Variants in ARID1B observed in about 807,000 individuals in gnomAD.
The protein encoded by ARID1B is AT-rich interactive domain-containing protein 1B.
Under a neutral mutation model 212.3 loss-of-function variants are expected in ARID1B, and 30 were observed. The ratio of observed to expected loss-of-function variants is 0.14; its 90% CI spans 0.11 to 0.19. ARID1B has a LOEUF of 0.19. Ranked by LOEUF, ARID1B falls within the 10% of genes least tolerant of loss-of-function variation. The probability of loss-of-function intolerance (pLI) is 1.00; values close to 1 mark genes in which losing one functional copy is unlikely to be tolerated. For missense variants in ARID1B, 2,891 were observed against 3,204.0 expected (o/e 0.90, Z 2.36); for synonymous variants, 1,402 against 1,301.7 (o/e 1.08, Z -1.66).
intron 4 of ARID1B, among the ~76,000 whole-genome samples, chr6:157,028,943 T>G (rs1249693680): frequency 6.6e-6 from 1 of 152,268 alleles, no homozygotes; most frequent in African/African-American, 2.4e-5. Context: ...GATTGCGAAC[T>G]GTATGTATTT....
At chr6:157,149,107 C>T (rs1467580864) in intron 8 of ARID1B, 156 bp downstream of exon 8, 1 of 742,042 alleles carries the variant, frequency 1.3e-6, no homozygotes, top group African/African-American at 1.8e-5. Context: ...TATTCTGTAG[C>T]ATCGAGGTCA....
Position 156,876,117 on chromosome 6 carries a change from C to CT in ARID1B, c.1987-25256dup, listed in dbSNP as rs1364309419. ...TTGTATCTCTGGATGATAGTGTTGA[C>CT]TTTCCCGTGGTACCTACCAGGCACT... is the stretch of plus-strand genomic sequence containing the variant. On this transcript the variant is annotated intron_variant, in intron 2 of 19. Coordinates refer to ENST00000636930, the MANE Select transcript of ARID1B (RefSeq NM_001374828.1). Among the ~76,000 whole-genome samples the CT allele has an allele frequency of 2.4e-4, 36 of 152,338 alleles. 1 individual carries two copies. Among genetic ancestry groups the CT allele is most frequent in the African/African-American group, 7.5e-4 (31 of 41,576 alleles).
chr6:157,197,110 C>T (rs1237200413), intron 16 of ARID1B, among the ~76,000 whole-genome samples: 1 of 152,236 alleles, frequency 6.6e-6, no homozygotes, highest in African/African-American at 2.4e-5. Context: ...GACTTCAATA[C>T]TCATTGTCAC....
At chr6:157,076,243 A>G (rs1019578229) in intron 4 of ARID1B, among the ~76,000 whole-genome samples, 3 of 151,858 alleles carry the variant, frequency 2.0e-5, no homozygotes, top group African/African-American at 7.2e-5. Flanking sequence ...AAACTTGCCT[A>G]TTTTTCATAG....
chr6:156,882,423 A>G (rs575038714), intron 2 of ARID1B, among the ~76,000 whole-genome samples: 2 of 152,270 alleles, frequency 1.3e-5, no homozygotes, highest in East Asian at 3.9e-4. Flanking sequence ...GCCTGGGATG[A>G]TTCTGTGGAC....
intron 3 of ARID1B, among the ~76,000 whole-genome samples, chr6:156,930,606 A>G (rs1456840656): frequency 6.6e-6 from 1 of 152,234 alleles, no homozygotes; most frequent in Non-Finnish European, 1.5e-5. Context: ...GATGCTTACT[A>G]TAGTGCTGTA....
chr6:157,007,097 A>G (rs1185282964), intron 4 of ARID1B, among the ~76,000 whole-genome samples: 2 of 152,220 alleles, frequency 1.3e-5, no homozygotes, highest in Admixed American at 6.5e-5. Context: ...GTATAAAGGC[A>G]TTCCTTGGTA....
At chr6:156,835,430 G>A (rs566037215) in intron 2 of ARID1B, among the ~76,000 whole-genome samples, 52 of 152,028 alleles carry the variant, frequency 3.4e-4, no homozygotes, top group Non-Finnish European at 6.5e-4. Flanking sequence ...GCCTTTTTCC[G>A]AAAAGTGAGA....
chr6:157,120,087 G>A (rs1049331155), intron 6 of ARID1B, among the ~76,000 whole-genome samples: 1 of 152,200 alleles, frequency 6.6e-6, no homozygotes, highest in Non-Finnish European at 1.5e-5. Flanking sequence ...GACCTGGGTC[G>A]AAAGCCTTAA....
At position 157,209,400 on chromosome 6, in the gene ARID1B, T is replaced by C. The variant is rs1794669095; in HGVS notation, c.*1509T>C. On this transcript the variant is annotated 3_prime_UTR_variant, in exon 20 of 20. Coordinates refer to ENST00000636930, the MANE Select transcript of ARID1B (RefSeq NM_001374828.1). ...TACATTTGGAAGAGACCTTTAGGGG[T>C]TACCTACTTTAGAGTGGGGAGCAAC... 4.3e-6 allele frequency: 1 copy of C among 232,256 alleles called. No homozygotes were observed. Among genetic ancestry groups the C allele is most frequent in the African/African-American group, 2.2e-5 (1 of 45,292 alleles). 14.4% of individuals were successfully genotyped at this position (232,256 alleles called of 1,614,324 possible). A position where few individuals can be genotyped will look rare whatever the true frequency, so the allele number is the denominator to read the frequency against.
chr6:157,094,224 T>C lies in ARID1B; in HGVS notation c.2491+9319T>C, dbSNP rs9371448. 0.92 allele frequency among the ~76,000 whole-genome samples: 140,578 copies of C among 152,174 alleles called. 64,995 individuals carry two copies. Among genetic ancestry groups the C allele is most frequent in the South Asian group, 0.97 (4,672 of 4,820 alleles). On this transcript the variant is annotated intron_variant, in intron 5 of 19. Coordinates refer to ENST00000636930, the MANE Select transcript of ARID1B (RefSeq NM_001374828.1). The surrounding 1 kb of genome is among the most constrained non-coding windows in gnomAD (Gnocchi z 4.3). ...CTGAGTTAGTATTGTGCTTAGTGTG[T>C]TGGGCGGCGAACACCAGGAAATCAG...
At chr6:157,156,756 T>C (rs1351988340) in intron 8 of ARID1B, among the ~76,000 whole-genome samples, 1 of 152,064 alleles carries the variant, frequency 6.6e-6, no homozygotes, top group Non-Finnish European at 1.5e-5. Context: ...GGAAGCCAGC[T>C]CAGGTCTGAG....
rs184113176 is a variant in ARID1B at position 157,015,395 on chromosome 6, G to A, written c.2248-69267G>A. The stretch of plus-strand genomic sequence containing the variant: ...AGGTTTTTGAAGGACATCCTCATGG[G>A]ACTGTTTAGTGTGCAGTTGGAGAGG... On this transcript the variant is annotated intron_variant, in intron 4 of 19. Transcript: ENST00000636930. Among the ~76,000 whole-genome samples the A allele has an allele frequency of 3.4e-3, 525 of 152,310 alleles. 2 individuals are homozygous for A. Among genetic ancestry groups the A allele is most frequent in the Non-Finnish European group, 5.8e-3 (393 of 68,034 alleles).
At chr6:157,189,811 A>G (rs746706931) in intron 14 of ARID1B, 31 bp downstream of exon 14, 97 of 1,612,488 alleles carry the variant, frequency 6.0e-5, no homozygotes, top group Non-Finnish European at 8.1e-5. Flanking sequence ...GAGGCATACA[A>G]AGTCACATTT....
chr6:157,083,636 T>C (rs1455325912), intron 4 of ARID1B, among the ~76,000 whole-genome samples: 1 of 152,208 alleles, frequency 6.6e-6, no homozygotes, highest in Non-Finnish European at 1.5e-5. Flanking sequence ...CATTGTTTTG[T>C]ATCTGTATCA....
intron 4 of ARID1B, among the ~76,000 whole-genome samples, chr6:157,039,953 C>G (rs1200153535): frequency 8.5e-6 from 1 of 117,022 alleles, no homozygotes; most frequent in African/African-American, 3.3e-5. Context: ...TTTCTGTCTT[C>G]TTTTTTTTTC....
At chr6:157,089,137 T>A (rs1785127840) in intron 5 of ARID1B, among the ~76,000 whole-genome samples, 1 of 152,168 alleles carries the variant, frequency 6.6e-6, no homozygotes, top group South Asian at 2.1e-4. Context: ...ATAGCTGGGA[T>A]GAAGTAAAGC....
chr6:156,892,059 T>C (rs868524497), intron 2 of ARID1B, among the ~76,000 whole-genome samples: 6,929 of 88,736 alleles, frequency 0.078, 123 homozygotes, highest in Non-Finnish European at 0.11. Flanking sequence ...TTTTTTTTTT[T>C]CTTTTTTTTT....
At chr6:156,879,879 C>G (rs1404352109) in intron 2 of ARID1B, among the ~76,000 whole-genome samples, 1 of 152,214 alleles carries the variant, frequency 6.6e-6, no homozygotes, top group Non-Finnish European at 1.5e-5. Context: ...TAAGAGTCAA[C>G]TCATTCATGA....
Sources: allele counts gnomAD v4.1 joint callset (sites outside exome capture counted in the v4.1 genomes callset), GRCh38; gene constraint gnomAD v4.1.1; non-coding constraint Gnocchi (gnomAD v3.1); transcripts MANE v1.5; gene names NCBI Gene and HGNC (gene_info 2026-07-23, HGNC 2026-07-21).